CKS1B: variants seen among roughly 807,000 people sequenced by gnomAD.
The protein encoded by CKS1B is CDC28 protein kinase regulatory subunit 1B.
Under a neutral mutation model 12.2 loss-of-function variants are expected in CKS1B, and 5 were observed. The ratio of observed to expected loss-of-function variants is 0.41; its 90% CI spans 0.21 to 0.86. CKS1B has a LOEUF of 0.86. Among genes scored for constraint, CKS1B ranks in the 40% least tolerant of loss-of-function variants. CKS1B has a pLI of 0.32. For missense variants in CKS1B, 53 were observed against 99.9 expected, an observed-to-expected ratio of 0.53 and a Z score of 2.00; for synonymous variants, 24 against 34.4, an observed-to-expected ratio of 0.70 and a Z score of 1.06.
intron 1 of CKS1B, 45 bp downstream of exon 1, chr1:154,974,849 C>A: frequency 6.2e-7 from 1 of 1,613,996 alleles, no homozygotes; most frequent in South Asian, 1.1e-5. Context: ...TGAGCTTTGG[C>A]CGCTGAGGGC....
chr1:154,978,509 G>A (rs1039415904), intron 2 of CKS1B: 10 of 590,250 alleles, frequency 1.7e-5, no homozygotes, highest in Non-Finnish European at 2.7e-5. Flanking sequence ...GGACACCCTG[G>A]GGCTGTATAA....
intron 1 of CKS1B, among the ~76,000 whole-genome samples, chr1:154,977,028 AT>A (rs920206001): frequency 2.7e-5 from 4 of 150,414 alleles, no homozygotes; most frequent in East Asian, 1.9e-4. Flanking sequence ...GATAGATTTA[AT>A]TTTTTTTTTA....
At chr1:154,975,010 G>A in intron 1 of CKS1B, 1 of 1,428,284 alleles carries the variant, frequency 7.0e-7, no homozygotes. Context: ...ATTTGGAGTC[G>A]CCTCTCAGTA....
At chr1:154,977,020 T>C (rs1202065605) in intron 1 of CKS1B, among the ~76,000 whole-genome samples, 1 of 152,180 alleles carries the variant, frequency 6.6e-6, no homozygotes, top group Non-Finnish European at 1.5e-5. Context: ...AGATTCAGGA[T>C]AGATTTAATT....
intron 1 of CKS1B, chr1:154,975,246 A>G (rs1657130919): frequency 6.0e-6 from 3 of 504,116 alleles, no homozygotes; most frequent in African/African-American, 3.8e-5. Context: ...TTGCTTATTA[A>G]CTCGTGAAAA....
chr1:154,975,472 A>C (rs962700535), intron 1 of CKS1B: 1 of 159,688 alleles, frequency 6.3e-6, no homozygotes, highest in Non-Finnish European at 1.4e-5. Context: ...CACAAATTTA[A>C]AAATCTGTGG....
At chr1:154,975,128 G>C (rs1198484887) in intron 1 of CKS1B, 1 of 615,326 alleles carries the variant, frequency 1.6e-6, no homozygotes, top group African/African-American at 1.8e-5. Context: ...GCCTTGTAGA[G>C]ACTGTTTCAC....
chr1:154,978,353 A>G (rs1380166718), intron 2 of CKS1B: 4 of 548,018 alleles, frequency 7.3e-6, no homozygotes, highest in South Asian at 5.3e-5. Flanking sequence ...ATCAGAGGGT[A>G]TTCTTTTTAA....
At chr1:154,978,650 G>A in intron 2 of CKS1B, 75 bp from the exon 3 acceptor site, 4 of 1,199,472 alleles carry the variant, frequency 3.3e-6, no homozygotes, top group Non-Finnish European at 4.9e-6. Context: ...AGCTGGGGAG[G>A]TGGTAGTGGA....
Position 154,978,803 on chromosome 1 carries a change from A to C in CKS1B, c.*26A>C. ...AGCTGGCAAGCTACTTTTCAGCCTCAAGCTTTACACAGCTGTCCTTACTTC... is the reference window on the plus strand; with the variant it reads ...AGCTGGCAAGCTACTTTTCAGCCTCCAGCTTTACACAGCTGTCCTTACTTC... On this transcript the variant is annotated 3_prime_UTR_variant, in exon 3 of 3. Coordinates refer to ENST00000308987, the MANE Select transcript of CKS1B (RefSeq NM_001826.3). 7.0e-7 allele frequency: 1 copy of C among 1,429,128 alleles called. No homozygotes were observed. The highest frequency in any genetic ancestry group is 2.3e-5 in the East Asian group (1 of 44,062). The allele number at this position is 1,429,128 out of a possible 1,614,324, so 88.5% of individuals were successfully genotyped here.
intron 1 of CKS1B, among the ~76,000 whole-genome samples, chr1:154,976,811 A>C (rs1300916881): frequency 6.6e-6 from 1 of 152,100 alleles, no homozygotes; most frequent in Non-Finnish European, 1.5e-5. Context: ...TTTTAGGAGA[A>C]TGGTGGGGAA....
At chr1:154,976,958 C>T (rs143185135) in intron 1 of CKS1B, among the ~76,000 whole-genome samples, 328 of 152,092 alleles carry the variant, frequency 2.2e-3, no homozygotes, top group African/African-American at 7.4e-3. Context: ...TAGAAAAGCA[C>T]GGAATTTACC....
chr1:154,978,406 C>T (rs868598006), intron 2 of CKS1B: 3 of 535,746 alleles, frequency 5.6e-6, no homozygotes, highest in African/African-American at 1.9e-5. Context: ...CATTCTCCAT[C>T]GAAAACATTC....
chr1:154,975,967 AAAC>A (rs1054160631), intron 1 of CKS1B, among the ~76,000 whole-genome samples: 4 of 152,026 alleles, frequency 2.6e-5, no homozygotes, highest in African/African-American at 9.7e-5. Context: ...GGAAAAAAAA[AAAC>A]TGTCGGGTAC....
At chr1:154,978,256 A>G (rs1359908701) in intron 2 of CKS1B, 142 bp downstream of exon 2, 9 of 914,250 alleles carry the variant, frequency 9.8e-6, no homozygotes, top group Middle Eastern at 4.6e-4. Context: ...TTTTTAAAAA[A>G]AAACTAGTGA....
chr1:154,974,850 C>T (rs1412495419), intron 1 of CKS1B, 46 bp downstream of exon 1: 12 of 1,613,828 alleles, frequency 7.4e-6, no homozygotes, highest in Non-Finnish European at 1.0e-5. Context: ...GAGCTTTGGC[C>T]GCTGAGGGCA....
At chr1:154,975,977 G>T (rs1657171759) in intron 1 of CKS1B, among the ~76,000 whole-genome samples, 1 of 151,770 alleles carries the variant, frequency 6.6e-6, no homozygotes, top group African/African-American at 2.4e-5. Context: ...AAACTGTCGG[G>T]TACTATGCTT....
chr1:154,978,557 G>A, intron 2 of CKS1B, 168 bp from the exon 3 acceptor site: 1 of 621,638 alleles, frequency 1.6e-6, no homozygotes, highest in Non-Finnish European at 2.9e-6. Context: ...TTCTGTACTT[G>A]GCAGACAGTC....
At chr1:154,975,268 G>A (rs1211903868) in intron 1 of CKS1B, among the ~76,000 whole-genome samples, 1 of 152,198 alleles carries the variant, frequency 6.6e-6, no homozygotes, top group Non-Finnish European at 1.5e-5. Context: ...GACAAGGGGC[G>A]TGGTTGTCTG....
Sources: allele counts gnomAD v4.1 joint callset (sites outside exome capture counted in the v4.1 genomes callset), GRCh38; gene constraint gnomAD v4.1.1; transcripts MANE v1.5; gene names NCBI Gene and HGNC (gene_info 2026-07-23, HGNC 2026-07-21).